The following ABTB2 variants were observed in gnomAD, a reference collection of about 807,000 sequenced individuals.
ABTB2 encodes ankyrin repeat and BTB domain containing 2.
In ABTB2, 56 loss-of-function variants were observed where a neutral mutation model predicts 104.1. The ratio of observed to expected loss-of-function variants is 0.54; its 90% CI spans 0.43 to 0.67. ABTB2 has a LOEUF of 0.67. Among genes scored for constraint, ABTB2 ranks in the 30% least tolerant of loss-of-function variants. ABTB2 has a pLI of 0.00. For synonymous variants in ABTB2, 606 were observed against 608.2 expected (o/e 1.00, Z 0.05); for missense variants, 1,279 against 1,407.7 (o/e 0.91, Z 1.46).
intron 5 of ABTB2, among the ~76,000 whole-genome samples, chr11:34,169,768 C>T (rs151206502): frequency 1.3e-5 from 2 of 152,152 alleles, no homozygotes; most frequent in Non-Finnish European, 2.9e-5. Context: ...CCTGACTGCC[C>T]CACCCCACAC....
chr11:34,162,894 CGGGCTGCTCTGGGGTACCCGA>C, intron 9 of ABTB2, 89 bp from the exon 10 acceptor site: 1 of 1,301,762 alleles, frequency 7.7e-7, no homozygotes, highest in Admixed American at 2.1e-5. Context: ...CCTGCCCCGA[CGGGCTGCTCTGGGGTACCCGA>C]GGGCTCGGAG....
intron 1 of ABTB2, among the ~76,000 whole-genome samples, chr11:34,257,326 T>C (rs10836174): frequency 0.31 from 46,735 of 152,070 alleles, 7,651 homozygotes; most frequent in African/African-American, 0.42. Flanking sequence ...GCATTTAGAA[T>C]TGGTACTTAT....
At chr11:34,305,656 G>C (rs1240583803) in intron 1 of ABTB2, among the ~76,000 whole-genome samples, 1 of 152,210 alleles carries the variant, frequency 6.6e-6, no homozygotes, top group Non-Finnish European at 1.5e-5. Context: ...AGAGACAGGA[G>C]AGGACAAGGG....
intron 1 of ABTB2, among the ~76,000 whole-genome samples, chr11:34,262,511 A>G (rs1854199346): frequency 6.6e-6 from 1 of 152,170 alleles, no homozygotes; most frequent in African/African-American, 2.4e-5. Flanking sequence ...CAAAGCAAAT[A>G]GGGATGCATA....
At chr11:34,319,581 G>A (rs1384910022) in intron 1 of ABTB2, among the ~76,000 whole-genome samples, 1 of 152,226 alleles carries the variant, frequency 6.6e-6, no homozygotes, top group African/African-American at 2.4e-5. Flanking sequence ...GCTTCCCACT[G>A]TCACTCTTCA....
At chr11:34,237,612 C>A (rs562676101) in intron 1 of ABTB2, among the ~76,000 whole-genome samples, 1 of 152,236 alleles carries the variant, frequency 6.6e-6, no homozygotes, top group South Asian at 2.1e-4. Flanking sequence ...TCAGTAAGAA[C>A]CCACTAAAGG....
intron 9 of ABTB2, 65 bp downstream of exon 9, chr11:34,164,621 T>C: frequency 7.2e-7 from 1 of 1,390,018 alleles, no homozygotes; most frequent in East Asian, 3.0e-5. Context: ...TCGGGGAAAC[T>C]GAGGCTCCTG....
At position 34,161,029 on chromosome 11, in the gene ABTB2, C is replaced by T. The variant is rs141845210; in HGVS notation, c.2271G>A (p.Ser757=). Residue 757 remains serine (S), a synonymous_variant, in exon 11 of 17, where the codon TCG becomes TCA. Coordinates refer to ENST00000435224, the MANE Select transcript of ABTB2 (RefSeq NM_145804.3). Reference sequence around the variant, plus strand: ...TCTGCACCACCGAGTACCGCGACTGCGAGAACGAGGTCCTCAGAGACTCGA... The same window carrying T: ...TCTGCACCACCGAGTACCGCGACTGTGAGAACGAGGTCCTCAGAGACTCGA... ...IWIESLRTSF[S]QSRYSVVQSL... 6.6e-5 allele frequency: 107 copies of T among 1,612,988 alleles called. No homozygotes were observed. The highest frequency in any genetic ancestry group is 1.6e-4 in the East Asian group (7 of 44,850).
At chr11:34,262,596 TC>T (rs1184427039) in intron 1 of ABTB2, among the ~76,000 whole-genome samples, 1 of 152,052 alleles carries the variant, frequency 6.6e-6, no homozygotes, top group Admixed American at 6.5e-5. Flanking sequence ...CCACAATCTT[TC>T]CCCAGTGGAT....
rs141885144 is a variant in ABTB2 at position 34,197,244 on chromosome 11, C to T, written c.1244+81G>A. The T allele has an allele frequency of 5.5e-3, 8,139 of 1,478,498 alleles. 135 individuals are homozygous for T. The highest frequency in any genetic ancestry group is 0.041 in the South Asian group (3,567 of 87,242). The allele number at this position is 1,478,498 out of a possible 1,614,324, so 91.6% of individuals were successfully genotyped here. On this transcript the variant is annotated intron_variant, in intron 3 of 16. Coordinates refer to ENST00000435224, the MANE Select transcript of ABTB2 (RefSeq NM_145804.3). ...CCCCTTCCTCGCCCTGTTGGTCAGT[C>T]GTCAGTCAGTGTCAGTCAGTCGGTC... is the stretch of plus-strand genomic sequence containing the variant.
chr11:34,163,433 C>G (rs574593317), intron 9 of ABTB2, among the ~76,000 whole-genome samples: 51 of 152,194 alleles, frequency 3.4e-4, no homozygotes, highest in Non-Finnish European at 6.9e-4. Context: ...CTTTTAGCCT[C>G]GTGAGAGCCC....
Position 34,233,499 on chromosome 11 carries a change from C to T in ABTB2, c.884-28809G>A, listed in dbSNP as rs898945185. Among the ~76,000 whole-genome samples, 8 of 151,872 alleles carry T rather than the reference C, an allele frequency of 5.3e-5. No homozygotes were observed. In the South Asian group the frequency reaches 1.5e-3, roughly 28 times the overall value. On this transcript the variant is annotated intron_variant, in intron 1 of 16. Transcript: ENST00000435224. Reference sequence around the variant, plus strand: ...CCAATTAGCTGGGACCACAGGGGTACACCACCACACCCAGCTAAGTTTCTA... The same window carrying T: ...CCAATTAGCTGGGACCACAGGGGTATACCACCACACCCAGCTAAGTTTCTA...
chr11:34,186,836 C>A (rs1853106773), intron 3 of ABTB2, among the ~76,000 whole-genome samples: 1 of 152,230 alleles, frequency 6.6e-6, no homozygotes, highest in Non-Finnish European at 1.5e-5. Flanking sequence ...TGCAAGCCTG[C>A]TGAGAAAGAG....
intron 1 of ABTB2, among the ~76,000 whole-genome samples, chr11:34,251,216 G>A (rs937843100): frequency 2.0e-5 from 3 of 152,192 alleles, no homozygotes; most frequent in Admixed American, 6.5e-5. Context: ...AAAATAGAGC[G>A]GGTGAGGCTG....
At chr11:34,302,050 A>C (rs1854713250) in intron 1 of ABTB2, among the ~76,000 whole-genome samples, 1 of 152,186 alleles carries the variant, frequency 6.6e-6, no homozygotes, top group African/African-American at 2.4e-5. Flanking sequence ...ATATTAGAAA[A>C]TACATAGAAG....
At chr11:34,355,567 A>G (rs12296013) in intron 1 of ABTB2, among the ~76,000 whole-genome samples, 19,359 of 152,148 alleles carry the variant, frequency 0.13, 1,930 homozygotes, top group East Asian at 0.37. Flanking sequence ...TTTGCATTTC[A>G]GCTATTATGA....
At chr11:34,169,124 A>C (rs1852837502) in intron 5 of ABTB2, among the ~76,000 whole-genome samples, 1 of 152,174 alleles carries the variant, frequency 6.6e-6, no homozygotes, top group Non-Finnish European at 1.5e-5. Flanking sequence ...CACAGAATAA[A>C]AATTTGGCTT....
In ABTB2 at chr11:34,357,519, C is replaced by T. The variant is rs1855483368; in HGVS notation, c.65G>A (p.Gly22Glu). The change falls in exon 1 of 17, where the codon GGG (glycine) becomes GAG (glutamate). Residue 22 changes from glycine to glutamate, a missense_variant. By Grantham distance (98) the Gly-to-Glu change is moderately conservative. Coordinates refer to ENST00000435224, the MANE Select transcript of ABTB2 (RefSeq NM_145804.3). ...GAGCGAGCGGCACGAGTCCCCGGCC[C>T]CATACCCGGAGTCCAAGGTCAAGTC... ...LEDLTLDSGYGAGDSCRSLSL... is the reference protein window; with the variant it reads ...LEDLTLDSGYEAGDSCRSLSL... 6.5e-7 allele frequency: 1 copy of T among 1,539,456 alleles called. No homozygotes were observed. Among genetic ancestry groups the T allele is most frequent in the Admixed American group, 2.0e-5 (1 of 50,968 alleles).
intron 11 of ABTB2, among the ~76,000 whole-genome samples, 194 bp downstream of exon 11, chr11:34,160,706 GCCT>G (rs1852703556): frequency 1.4e-5 from 1 of 69,310 alleles, no homozygotes; most frequent in Non-Finnish European, 2.8e-5. Flanking sequence ...GGGGGGGGGG[GCCT>G]GGGTGCTGGG....
Sources: gnomAD v4.1 joint callset for allele counts (sites outside exome capture counted in the v4.1 genomes callset) on GRCh38, gnomAD v4.1.1 for gene constraint, MANE v1.5 for transcripts, NCBI Gene and HGNC (gene_info 2026-07-23, HGNC 2026-07-21) for gene names.